Variants in IREB2 observed in about 807,000 individuals in gnomAD.
IREB2 encodes the protein iron responsive element binding protein 2.
Under a neutral mutation model 118.8 loss-of-function variants are expected in IREB2, and 39 were observed. The ratio of observed to expected loss-of-function variants is 0.33; its 90% CI spans 0.25 to 0.43. IREB2 has a LOEUF of 0.43. Among genes scored for constraint, IREB2 ranks in the 20% least tolerant of loss-of-function variants. IREB2 has a pLI of 1.00. For synonymous variants in IREB2, 372 were observed against 392.2 expected (o/e 0.95, Z 0.61); for missense variants, 900 against 1,147.3 (o/e 0.78, Z 3.11).
chr15:78,438,384 T>C (rs1006139458), intron 1 of IREB2, 28 bp downstream of exon 1: 2 of 1,592,712 alleles, frequency 1.3e-6, no homozygotes, highest in Admixed American at 1.8e-5. Context: ...GAGCTGGGTC[T>C]GGCAGTTGGA....
chr15:78,452,772 G>A (rs2051047217), intron 2 of IREB2, among the ~76,000 whole-genome samples: 1 of 152,052 alleles, frequency 6.6e-6, no homozygotes, highest in South Asian at 2.1e-4. Flanking sequence ...GAACTATAAA[G>A]GATCTAAAAT....
chr15:78,454,336 A>G (rs1180894689), intron 2 of IREB2, among the ~76,000 whole-genome samples: 1 of 152,238 alleles, frequency 6.6e-6, no homozygotes, highest in Non-Finnish European at 1.5e-5. Context: ...ATGGAATACT[A>G]TTTGGCAGTA....
At chr15:78,480,557 T>G (rs1415939469) in intron 10 of IREB2, among the ~76,000 whole-genome samples, 3 of 151,290 alleles carry the variant, frequency 2.0e-5, no homozygotes, top group Non-Finnish European at 4.4e-5. Context: ...GGTGTGGTGG[T>G]GGGGGCCTGT....
Position 78,443,856 on chromosome 15 carries a change from G to A in IREB2, c.106+3975G>A, listed in dbSNP as rs1022140516. Among the ~76,000 whole-genome samples the A allele has an allele frequency of 3.9e-5, 6 of 151,972 alleles. No individual in the cohort carries two copies. The East Asian group carries it at 7.7e-4, about 20-fold the overall frequency. ...AGATGGAGTTTCGCCATATTAACAA[G>A]GCTGGTCTCAAACTCCTGACCTCAA... On this transcript the variant is annotated intron_variant, in intron 2 of 21. Transcript: ENST00000258886.
chr15:78,438,223 C>G lies in IREB2; in HGVS notation c.-115C>G. The G allele has an allele frequency of 3.6e-6, 3 of 822,344 alleles. No individual in the cohort carries two copies. The highest frequency in any genetic ancestry group is 6.2e-6 in the Non-Finnish European group (3 of 486,272). The allele number at this position is 822,344 out of a possible 1,614,324, so 50.9% of individuals were successfully genotyped here. On this transcript the variant is annotated 5_prime_UTR_variant, in exon 1 of 22. Transcript: ENST00000258886. ...CTCTCGCGATATTTGCGCGAGCCTGCTTCCTTCTTTCCTCCCTTGCCAGTC... is the reference window on the plus strand; with the variant it reads ...CTCTCGCGATATTTGCGCGAGCCTGGTTCCTTCTTTCCTCCCTTGCCAGTC...
chr15:78,472,803 T>G (rs539867307), intron 7 of IREB2, among the ~76,000 whole-genome samples: 3 of 152,248 alleles, frequency 2.0e-5, no homozygotes, highest in African/African-American at 4.8e-5. Context: ...TCTGAAAGTC[T>G]TAACTCCCTT....
At chr15:78,490,975 G>A (rs1323120677) in intron 18 of IREB2, among the ~76,000 whole-genome samples, 1 of 151,998 alleles carries the variant, frequency 6.6e-6, no homozygotes, top group Non-Finnish European at 1.5e-5. Flanking sequence ...TTTAGAAAAT[G>A]AAATTGCAAT....
At chr15:78,458,432 T>G (rs1488314695) in intron 2 of IREB2, among the ~76,000 whole-genome samples, 1 of 152,170 alleles carries the variant, frequency 6.6e-6, no homozygotes, top group Non-Finnish European at 1.5e-5. Flanking sequence ...CTCTCAGTTT[T>G]GCTGTGAACC....
chr15:78,480,744 AGCACTTTGGGAGGCCC>A (rs377030118), intron 10 of IREB2, among the ~76,000 whole-genome samples: 56 of 149,792 alleles, frequency 3.7e-4, no homozygotes, highest in Middle Eastern at 3.5e-3. Flanking sequence ...CTGTAATCCT[AGCACTTTGGGAGGCCC>A]GCACTTTGGG....
intron 8 of IREB2, chr15:78,474,420 A>G (rs970653749): frequency 7.9e-5 from 12 of 152,258 alleles, no homozygotes; most frequent in Non-Finnish European, 1.6e-4. Context: ...AAGATCAAGT[A>G]GTAAATTGGG....
intron 11 of IREB2, among the ~76,000 whole-genome samples, chr15:78,483,850 C>T (rs917180232): frequency 1.7e-5 from 1 of 58,612 alleles, no homozygotes; most frequent in Non-Finnish European, 3.3e-5. Context: ...GTGGCACAAT[C>T]TCGGCTCACT....
Position 78,473,364 on chromosome 15 carries a change from G to C in IREB2, c.1006G>C (p.Val336Leu). 1 of 1,613,534 alleles carries C rather than the reference G, an allele frequency of 6.2e-7. No homozygotes were observed. The highest frequency in any genetic ancestry group is 8.5e-7 in the Non-Finnish European group (1 of 1,179,546). The change falls in exon 8 of 22, where the codon GTT (valine) becomes CTT (leucine). Residue 336 changes from valine (V) to leucine (L), a missense_variant. Coordinates refer to ENST00000258886, the MANE Select transcript of IREB2 (RefSeq NM_004136.4). Reference sequence around the variant, plus strand: ...CCCTTTTGTTACATCCATAGATGTTGTTCTTGGTATTACAAAGGTAAGTTA... The same window carrying C: ...CCCTTTTGTTACATCCATAGATGTTCTTCTTGGTATTACAAAGGTAAGTTA... The part of the protein sequence containing the change: ...SNPFVTSIDV[V>L]LGITKHLRQV...
rs1210216550 is a variant in IREB2, at chr15:78,450,864, G to GTGTGTGTA, written c.106+10990_106+10991insATGTGTGT. Among the ~76,000 whole-genome samples the GTGTGTGTA allele has an allele frequency of 3.4e-5, 5 of 147,602 alleles. No individual in the cohort carries two copies. In the East Asian group the frequency reaches 9.8e-4, roughly 29 times the overall value. ...TGTGTGTGTGTGTGTGTGTGTGTGT[G>GTGTGTGTA]TGTGTGTGTATTTTAATATACAATG... On this transcript the variant is annotated intron_variant, in intron 2 of 21. Coordinates refer to ENST00000258886, the MANE Select transcript of IREB2 (RefSeq NM_004136.4).
At chr15:78,441,472 G>A (rs2050843194) in intron 2 of IREB2, among the ~76,000 whole-genome samples, 1 of 152,174 alleles carries the variant, frequency 6.6e-6, no homozygotes, top group Non-Finnish European at 1.5e-5. Context: ...ATAATCTAGT[G>A]ATACTGGCTT....
intron 2 of IREB2, among the ~76,000 whole-genome samples, chr15:78,441,251 A>G (rs1423697110): frequency 6.6e-6 from 1 of 152,270 alleles, no homozygotes; most frequent in Non-Finnish European, 1.5e-5. Context: ...CAGTTTGCCA[A>G]AATGAGAGCA....
intron 2 of IREB2, among the ~76,000 whole-genome samples, chr15:78,460,951 T>A (rs750044352): frequency 6.6e-6 from 1 of 152,148 alleles, no homozygotes; most frequent in Non-Finnish European, 1.5e-5. Context: ...CCCTTCTAGG[T>A]CTTGTGTGTG....
chr15:78,451,871 C>G (rs2051031955), intron 2 of IREB2, among the ~76,000 whole-genome samples: 1 of 152,086 alleles, frequency 6.6e-6, no homozygotes, highest in African/African-American at 2.4e-5. Context: ...CCATGTTGGT[C>G]AGGCTGGTCT....
rs1315172847 is a variant in IREB2 at position 78,498,750 on chromosome 15, A to G, written c.*607A>G. 2 of 152,342 alleles carry G rather than the reference A, an allele frequency of 1.3e-5. No individual in the cohort carries two copies. The highest frequency in any genetic ancestry group is 2.9e-5 in the Non-Finnish European group (2 of 68,082). 9.4% of individuals were successfully genotyped at this position (152,342 alleles called of 1,614,324 possible). A position where few individuals can be genotyped will look rare whatever the true frequency, so the allele number is the denominator to read the frequency against. On this transcript the variant is annotated 3_prime_UTR_variant, in exon 22 of 22. Coordinates refer to ENST00000258886, the MANE Select transcript of IREB2 (RefSeq NM_004136.4). The stretch of plus-strand genomic sequence containing the variant: ...ACAATCATTCTGTCCAATCCAGCCA[A>G]GGTTCCCTCCACATATGAAGATGGA...
intron 3 of IREB2, 103 bp downstream of exon 3, chr15:78,463,190 G>A (rs1031368284): frequency 1.0e-6 from 1 of 987,718 alleles, no homozygotes; most frequent in South Asian, 1.8e-5. Context: ...TCTAATCCCA[G>A]TACTTTGGGA....
Sources: gnomAD v4.1 joint callset for allele counts (sites outside exome capture counted in the v4.1 genomes callset) on GRCh38, gnomAD v4.1.1 for gene constraint, MANE v1.5 for transcripts, NCBI Gene and HGNC (gene_info 2026-07-23, HGNC 2026-07-21) for gene names.